Variants in SHOX2 observed in about 807,000 individuals in gnomAD.
The protein encoded by SHOX2 is SHOX homeobox 2.
SHOX2 carries 13 observed loss-of-function variants against 31.3 expected under a neutral mutation model. The observed-to-expected ratio is 0.42, with a 90% CI of 0.27 to 0.66. The LOEUF is 0.66. Ranked by LOEUF, SHOX2 falls within the 30% of genes least tolerant of loss-of-function variation. The probability of loss-of-function intolerance (pLI) is 0.27; values close to 1 mark genes in which losing one functional copy is unlikely to be tolerated. For missense variants in SHOX2, 473 were observed against 443.0 expected (o/e 1.07, Z -0.61); for synonymous variants, 244 against 196.2 (o/e 1.24, Z -2.04).
In SHOX2 at chr3:158,097,920, G is replaced by C; in HGVS notation, c.*107C>G. The stretch of plus-strand genomic sequence containing the variant: ...AGGGATGGTCAGTGAGGCGGGAAGA[G>C]GGCCGGCTCCCGAGGTCTCAAAGGG... On this transcript the variant is annotated 3_prime_UTR_variant, in exon 5 of 5. Coordinates refer to ENST00000483851, the MANE Select transcript of SHOX2 (RefSeq NM_001163678.2). 1 of 1,398,702 alleles carries C rather than the reference G, an allele frequency of 7.1e-7. No homozygotes were observed. The highest frequency in any genetic ancestry group is 9.6e-7 in the Non-Finnish European group (1 of 1,037,262). 86.6% of individuals were successfully genotyped at this position (1,398,702 alleles called of 1,614,324 possible). A position where few individuals can be genotyped will look rare whatever the true frequency, so the allele number is the denominator to read the frequency against.
intron 3 of SHOX2, 102 bp downstream of exon 3, chr3:158,100,152 T>C (rs915447597): frequency 1.9e-6 from 2 of 1,048,742 alleles, no homozygotes; most frequent in Non-Finnish European, 2.8e-6. Context: ...TCAAGAACTA[T>C]TGTCATTTTT....
intron 2 of SHOX2, among the ~76,000 whole-genome samples, chr3:158,101,381 C>T (rs940358610): frequency 7.2e-5 from 11 of 152,264 alleles, no homozygotes; most frequent in African/African-American, 2.6e-4. Flanking sequence ...AGGCTTCTTG[C>T]CTTTTTTTCC....
chr3:158,102,398 C>G (rs1026171928), intron 2 of SHOX2, among the ~76,000 whole-genome samples: 15 of 150,290 alleles, frequency 1.0e-4, no homozygotes, highest in African/African-American at 3.7e-4. Context: ...AAAGCCAGTG[C>G]GAGGCAAGGG....
In SHOX2 at chr3:158,105,791, T is replaced by C; in HGVS notation, c.234A>G (p.Val78=). 6.7e-7 allele frequency: 1 copy of C among 1,490,366 alleles called. No homozygotes were observed. Among genetic ancestry groups the C allele is most frequent in the Non-Finnish European group, 8.9e-7 (1 of 1,123,294 alleles). 92.3% of individuals were successfully genotyped at this position (1,490,366 alleles called of 1,614,324 possible). The change falls in exon 1 of 5, where the codon GTA becomes GTG. Residue 78 remains valine, a synonymous_variant. Coordinates refer to ENST00000483851, the MANE Select transcript of SHOX2 (RefSeq NM_001163678.2). ...GGGGGGGGGG[V]GGGGAGGGAG... Reference sequence around the variant, plus strand: ...CTCCTCCGCCTGCTCCTCCTCCTCCTACACCTCCTCCGCCTCCTCCGCCGC... The same window carrying C: ...CTCCTCCGCCTGCTCCTCCTCCTCCCACACCTCCTCCGCCTCCTCCGCCGC...
At position 158,096,398 on chromosome 3, in the gene SHOX2, AAAC is replaced by A. The variant is rs1375581492; in HGVS notation, c.*1626_*1628del. The A allele has an allele frequency of 2.1e-5, 3 of 144,934 alleles. No individual in the cohort carries two copies. Among genetic ancestry groups the A allele is most frequent in the Non-Finnish European group, 4.5e-5 (3 of 66,440 alleles). The allele number at this position is 144,934 out of a possible 1,614,324, so 9.0% of individuals were successfully genotyped here. On this transcript the variant is annotated 3_prime_UTR_variant, in exon 5 of 5. Transcript: ENST00000483851. ...TTTAAATAGCTACATGAATTGAAACAAACAACCAAAAGAAAAAAAAAAACAAAA... is the reference window on the plus strand; with the variant it reads ...TTTAAATAGCTACATGAATTGAAACAAACCAAAAGAAAAAAAAAAACAAAA...
Position 158,106,308 on chromosome 3 carries a change from A to T in SHOX2, c.-284T>A. 3 of 374,804 alleles carry T rather than the reference A, an allele frequency of 8.0e-6. No individual in the cohort carries two copies. Among genetic ancestry groups the T allele is most frequent in the Non-Finnish European group, 1.4e-5 (3 of 208,064 alleles). The allele number at this position is 374,804 out of a possible 1,614,324, so 23.2% of individuals were successfully genotyped here. A position where few individuals can be genotyped will look rare whatever the true frequency, so the allele number is the denominator to read the frequency against. ...GAGGGAGGAGGAGGAGGAGAAGAGA[A>T]GGGGCGGGGGCTGCCGGAGGGAAAT... On this transcript the variant is annotated 5_prime_UTR_variant, in exon 1 of 5. Transcript: ENST00000483851.
chr3:158,105,377 G>T, intron 1 of SHOX2: 1 of 590,164 alleles, frequency 1.7e-6, no homozygotes, highest in East Asian at 2.8e-5. Context: ...TCCGGGCTGC[G>T]GGCCCATCCT....
At position 158,098,228 on chromosome 3, in the gene SHOX2, A is replaced by C. The variant is rs1379682714; in HGVS notation, c.759T>G (p.His253Gln). 1 of 1,613,812 alleles carries C rather than the reference A, an allele frequency of 6.2e-7. No homozygotes were observed. The highest frequency in any genetic ancestry group is 1.3e-5 in the African/African-American group (1 of 74,920). ...AGGGCGCGTGCGCGGCCAGGTGCGG[A>C]TGCAGGTGGTGGTGCGCGTGCGCCA... ...SAVAHAHHHL[H>Q]PHLAAHAPYM... The change falls in exon 5 of 5, where the codon CAT becomes CAG. Residue 253 changes from histidine (H) to glutamine (Q), a missense_variant. By Grantham distance (24) the His-to-Gln change is conservative (BLOSUM62 0). This residue lies in a region of SHOX2 where 182 missense variants were observed against 167.2 expected (regional missense o/e 1.09). Coordinates refer to ENST00000483851, the MANE Select transcript of SHOX2 (RefSeq NM_001163678.2).
rs1713150466 is a variant in SHOX2, at chr3:158,096,933, G to GATATAT, written c.*1093_*1094insATATAT. On this transcript the variant is annotated 3_prime_UTR_variant, in exon 5 of 5. Coordinates refer to ENST00000483851, the MANE Select transcript of SHOX2 (RefSeq NM_001163678.2). ...ATATATATATATATATATATATATG[G>GATATAT]CAAATATATGATATATATATATGGA... The GATATAT allele has an allele frequency of 5.8e-4, 12 of 20,842 alleles. No homozygotes were observed. Among genetic ancestry groups the GATATAT allele is most frequent in the South Asian group, 1.3e-3 (1 of 792 alleles). 1.3% of individuals were successfully genotyped at this position (20,842 alleles called of 1,614,324 possible).
intron 1 of SHOX2, among the ~76,000 whole-genome samples, chr3:158,104,328 A>G (rs1401583515): frequency 1.3e-5 from 2 of 152,244 alleles, no homozygotes; most frequent in Non-Finnish European, 2.9e-5. Context: ...ACCACTTTAC[A>G]AATTTAGGAA....
In SHOX2 at chr3:158,105,765, GCTCCTCCGCCTGCTCCTC is replaced by G; in HGVS notation, c.242_259del (p.Gly81_Gly86del). ...CCGGACGGGAGAGCGCCCTCCTCCA[GCTCCTCCGCCTGCTCCTC>G]CTCCTCCTACACCTCCTCCGCCTCC... On this transcript the variant is annotated inframe_deletion, in exon 1 of 5. Coordinates refer to ENST00000483851, the MANE Select transcript of SHOX2 (RefSeq NM_001163678.2). 1 of 1,517,236 alleles carries G rather than the reference GCTCCTCCGCCTGCTCCTC, an allele frequency of 6.6e-7. No homozygotes were observed. Among genetic ancestry groups the G allele is most frequent in the Non-Finnish European group, 8.8e-7 (1 of 1,134,036 alleles). 94.0% of individuals were successfully genotyped at this position (1,517,236 alleles called of 1,614,324 possible).
chr3:158,102,172 AC>A (rs1244722701), intron 2 of SHOX2, among the ~76,000 whole-genome samples: 1 of 152,220 alleles, frequency 6.6e-6, no homozygotes, highest in Non-Finnish European at 1.5e-5. Flanking sequence ...TCTGCACTTA[AC>A]AGTTACTAAT....
In SHOX2 at chr3:158,106,040, G is replaced by T; in HGVS notation, c.-16C>A. On this transcript the variant is annotated 5_prime_UTR_variant, in exon 1 of 5. The change creates a new upstream start codon in the 5' untranslated region. Transcript: ENST00000483851. Reference sequence around the variant, plus strand: ...GTTCTTCCATCGCCGCCGCACGTCAGCCCGGCGCTCAACCTCTGCCAGCAG... The same window carrying T: ...GTTCTTCCATCGCCGCCGCACGTCATCCCGGCGCTCAACCTCTGCCAGCAG... 6 of 1,612,014 alleles carry T rather than the reference G, an allele frequency of 3.7e-6. No homozygotes were observed. The South Asian group carries it at 6.6e-5, about 18-fold the overall frequency.
At position 158,096,329 on chromosome 3, in the gene SHOX2, C is replaced by A; in HGVS notation, c.*1698G>T. ...ACAAAACCCCACAAACTTAGGCTTG[C>A]TAGCGAATTGGGATACAGACTGGCT... On this transcript the variant is annotated 3_prime_UTR_variant, in exon 5 of 5. Coordinates refer to ENST00000483851, the MANE Select transcript of SHOX2 (RefSeq NM_001163678.2). 1 of 151,564 alleles carries A rather than the reference C, an allele frequency of 6.6e-6. No homozygotes were observed. 9.4% of individuals were successfully genotyped at this position (151,564 alleles called of 1,614,324 possible).
At chr3:158,103,203 A>C (rs576355665) in intron 1 of SHOX2, 6 of 456,202 alleles carry the variant, frequency 1.3e-5, no homozygotes, top group South Asian at 1.3e-4. Flanking sequence ...CTTCCCCAGC[A>C]AACACCAAAT....
At chr3:158,103,492 G>A (rs1187619508) in intron 1 of SHOX2, 1 of 155,666 alleles carries the variant, frequency 6.4e-6, no homozygotes, top group Non-Finnish European at 1.4e-5. Context: ...GCCGCACAGG[G>A]AGCCGCATCC....
At chr3:158,105,631 C>G (rs900060007) in intron 1 of SHOX2, 48 bp downstream of exon 1, 2 of 1,483,374 alleles carry the variant, frequency 1.3e-6, no homozygotes, top group Non-Finnish European at 1.8e-6. Flanking sequence ...GAGAGGAGTC[C>G]GGAAGGCGGG....
Position 158,097,774 on chromosome 3 carries a change from A to C in SHOX2, c.*253T>G, listed in dbSNP as rs2108119603. On this transcript the variant is annotated 3_prime_UTR_variant, in exon 5 of 5. Coordinates refer to ENST00000483851, the MANE Select transcript of SHOX2 (RefSeq NM_001163678.2). Reference sequence around the variant, plus strand: ...AGACTCCCCCAAACCCGCTCCTACAAAACCCAATTCTAGGCCCTCGAGTAG... The same window carrying C: ...AGACTCCCCCAAACCCGCTCCTACACAACCCAATTCTAGGCCCTCGAGTAG... 1.8e-6 allele frequency: 1 copy of C among 546,924 alleles called. No homozygotes were observed. Among genetic ancestry groups the C allele is most frequent in the African/African-American group, 1.9e-5 (1 of 52,442 alleles). The allele number at this position is 546,924 out of a possible 1,614,324, so 33.9% of individuals were successfully genotyped here.
chr3:158,100,404 T>A, intron 2 of SHOX2, 93 bp from the exon 3 acceptor site: 1 of 908,994 alleles, frequency 1.1e-6, no homozygotes, highest in South Asian at 1.9e-5. Flanking sequence ...AGAGTCGTGG[T>A]TTAGACAAGA....
Sources: gnomAD v4.1 joint callset for allele counts (sites outside exome capture counted in the v4.1 genomes callset) on GRCh38, gnomAD v4.1.1 for gene constraint, gnomAD v4.1.1 regional missense constraint, MANE v1.5 for transcripts, NCBI Gene and HGNC (gene_info 2026-07-23, HGNC 2026-07-21) for gene names.